MPPED2: variants seen among roughly 807,000 people sequenced by gnomAD.
The protein encoded by MPPED2 is metallophosphoesterase MPPED2.
MPPED2 carries 5 observed loss-of-function variants against 33.0 expected under a neutral mutation model. That is an observed-to-expected ratio of 0.15 (90% CI 0.08 to 0.32). The LOEUF (loss-of-function observed/expected upper bound fraction) is 0.32. Among genes scored for constraint, MPPED2 ranks in the 10% least tolerant of loss-of-function variants. MPPED2 has a pLI of 1.00. For synonymous variants in MPPED2, 136 were observed against 141.9 expected (o/e 0.96, Z 0.29); for missense variants, 275 against 372.1 (o/e 0.74, Z 2.15).
chr11:30,585,293 G>A (rs1957409090), intron 1 of MPPED2, among the ~76,000 whole-genome samples: 1 of 152,096 alleles, frequency 6.6e-6, no homozygotes. Context: ...CGCTCCGCAG[G>A]CTGCGAGCGC....
chr11:30,432,738 T>C (rs1949137846), intron 4 of MPPED2, among the ~76,000 whole-genome samples: 1 of 152,210 alleles, frequency 6.6e-6, no homozygotes, highest in South Asian at 2.1e-4. Context: ...TTTTGATGTA[T>C]ATATTTCTAG....
intron 4 of MPPED2, among the ~76,000 whole-genome samples, chr11:30,465,406 G>A (rs1416048484): frequency 3.3e-5 from 5 of 152,176 alleles, no homozygotes; most frequent in African/African-American, 1.2e-4. Context: ...TCCCAACTCA[G>A]CTTCCTGAAT....
intron 2 of MPPED2, among the ~76,000 whole-genome samples, chr11:30,570,644 G>T (rs1296400583): frequency 6.6e-6 from 1 of 152,180 alleles, no homozygotes; most frequent in African/African-American, 2.4e-5. Flanking sequence ...AAATGCCTAT[G>T]TCATAGAAGA....
At chr11:30,514,968 A>G (rs1293663022) in intron 3 of MPPED2, among the ~76,000 whole-genome samples, 2 of 152,120 alleles carry the variant, frequency 1.3e-5, no homozygotes, top group East Asian at 3.9e-4. Flanking sequence ...GGTGGCACAC[A>G]CCTGTAACCC....
At chr11:30,578,734 C>A (rs1957035038) in intron 2 of MPPED2, among the ~76,000 whole-genome samples, 1 of 152,020 alleles carries the variant, frequency 6.6e-6, no homozygotes, top group African/African-American at 2.4e-5. Context: ...CAAAACAGAA[C>A]TGAAGCTATT....
chr11:30,465,521 G>C (rs1490969722), intron 4 of MPPED2, among the ~76,000 whole-genome samples: 2 of 152,168 alleles, frequency 1.3e-5, no homozygotes, highest in African/African-American at 4.8e-5. Flanking sequence ...TGAACTCCTG[G>C]TCTCAAACAA....
At chr11:30,528,678 C>T (rs974928143) in intron 3 of MPPED2, among the ~76,000 whole-genome samples, 2 of 152,108 alleles carry the variant, frequency 1.3e-5, no homozygotes, top group South Asian at 2.1e-4. Context: ...AGGTTGGTCT[C>T]GAACTCCTGG....
At position 30,410,600 on chromosome 11, in the gene MPPED2, T is replaced by C; in HGVS notation, c.*868A>G. 1 of 985,822 alleles carries C rather than the reference T, an allele frequency of 1.0e-6. No homozygotes were observed. Among genetic ancestry groups the C allele is most frequent in the Non-Finnish European group, 1.2e-6 (1 of 829,938 alleles). 61.1% of individuals were successfully genotyped at this position (985,822 alleles called of 1,614,324 possible). ...TTTAAGACCTTGAGCTCTGAGAGAA[T>C]GTGTCAGTTCCTTCCGACTTCTGAT... On this transcript the variant is annotated 3_prime_UTR_variant, in exon 7 of 7. Coordinates refer to ENST00000358117, the MANE Select transcript of MPPED2 (RefSeq NM_001584.3).
At chr11:30,498,603 A>C (rs538534242) in intron 3 of MPPED2, among the ~76,000 whole-genome samples, 1 of 152,062 alleles carries the variant, frequency 6.6e-6, no homozygotes, top group African/African-American at 2.4e-5. Context: ...TTCCCAAGGC[A>C]TGGTCTATGT....
At chr11:30,420,870 A>AT (rs1332458915) in intron 4 of MPPED2, among the ~76,000 whole-genome samples, 1 of 152,124 alleles carries the variant, frequency 6.6e-6, no homozygotes, top group Non-Finnish European at 1.5e-5. Flanking sequence ...CTTCCCCTTT[A>AT]TTTTACAGTG....
chr11:30,413,600 A>C (rs1009213079), intron 6 of MPPED2, among the ~76,000 whole-genome samples: 3 of 152,308 alleles, frequency 2.0e-5, no homozygotes, highest in African/African-American at 7.2e-5. Flanking sequence ...AGAGAGATTT[A>C]ATTATTCTGC....
At chr11:30,392,208 G>A (rs771968527) in intron 6 of MPPED2, among the ~76,000 whole-genome samples, 6 of 152,138 alleles carry the variant, frequency 3.9e-5, no homozygotes, top group Admixed American at 6.5e-5. Flanking sequence ...CCCCTCTAAT[G>A]GTTTCTTTGT....
chr11:30,428,972 T>C (rs1255834967), intron 4 of MPPED2: 5 of 152,170 alleles, frequency 3.3e-5, no homozygotes, highest in Non-Finnish European at 1.5e-5. Context: ...TTTTCAGATG[T>C]AGGATGTGGA....
intron 4 of MPPED2, among the ~76,000 whole-genome samples, chr11:30,454,420 C>G (rs111655639): frequency 6.6e-6 from 1 of 151,778 alleles, no homozygotes; most frequent in Non-Finnish European, 1.5e-5. Context: ...ACATTTTCCC[C>G]GAGCATTTTT....
chr11:30,396,134 A>G (rs1380645321), intron 6 of MPPED2, among the ~76,000 whole-genome samples: 1 of 152,128 alleles, frequency 6.6e-6, no homozygotes, highest in African/African-American at 2.4e-5. Context: ...ACAGATGAGA[A>G]TCCTTGGGGA....
intron 4 of MPPED2, among the ~76,000 whole-genome samples, chr11:30,465,078 A>G (rs1464861335): frequency 2.6e-5 from 4 of 152,206 alleles, no homozygotes; most frequent in African/African-American, 9.7e-5. Context: ...ACTGTTCAGC[A>G]GTATCTGGTA....
intron 2 of MPPED2, among the ~76,000 whole-genome samples, chr11:30,564,837 G>T (rs1333644575): frequency 2.6e-5 from 4 of 152,134 alleles, no homozygotes; most frequent in Non-Finnish European, 5.9e-5. Flanking sequence ...AATTCTATGT[G>T]CATGGAATGC....
At chr11:30,440,755 T>C (rs968732837) in intron 4 of MPPED2, among the ~76,000 whole-genome samples, 1 of 152,202 alleles carries the variant, frequency 6.6e-6, no homozygotes, top group Admixed American at 6.5e-5. Flanking sequence ...TGCCACTAAA[T>C]CTGGCTGAGG....
chr11:30,586,541 G>A (rs1957475781), upstream of MPPED2, among the ~76,000 whole-genome samples: 1 of 152,152 alleles, frequency 6.6e-6, no homozygotes, highest in African/African-American at 2.4e-5. This position sits in a 1 kb window ranked among gnomAD's most constrained non-coding sequence, Gnocchi z 4.8. Context: ...AGCCGAGGGC[G>A]AGGCCCGGTA....
Sources: gnomAD v4.1 joint callset for allele counts (sites outside exome capture counted in the v4.1 genomes callset) on GRCh38, gnomAD v4.1.1 for gene constraint, Gnocchi (gnomAD v3.1) non-coding constraint, MANE v1.5 for transcripts, NCBI Gene and HGNC (gene_info 2026-07-23, HGNC 2026-07-21) for gene names.